GUCA2B: variants seen among roughly 807,000 people sequenced by gnomAD.
GUCA2B encodes the protein guanylate cyclase activator 2B, also known as prepro-uroguanylin.
A neutral mutation model predicts 11.1 loss-of-function variants in GUCA2B; 7 were observed. The ratio of observed to expected loss-of-function variants is 0.63; its 90% confidence interval spans 0.36 to 1.18. The LOEUF is 1.18. Ranked by LOEUF, GUCA2B falls within the 50% of genes most tolerant of loss-of-function variation. The probability of loss-of-function intolerance (pLI) is 0.02; values close to 1 mark genes in which losing one functional copy is unlikely to be tolerated. For missense variants in GUCA2B, 140 were observed against 142.5 expected (o/e 0.98, Z 0.09); for synonymous variants, 69 against 65.3 (o/e 1.06, Z -0.27).
intron 1 of GUCA2B, 77 bp downstream of exon 1, chr1:42,153,617 A>T: frequency 9.3e-7 from 1 of 1,080,976 alleles, no homozygotes. Flanking sequence ...GTGTACTGGG[A>T]ATTCAGAGGG....
At chr1:42,154,585 G>A (rs1161106272) in intron 1 of GUCA2B, 95 bp from the exon 2 acceptor site, 1 of 975,866 alleles carries the variant, frequency 1.0e-6, no homozygotes, top group Non-Finnish European at 1.7e-6. Context: ...AGGCTCTGGA[G>A]GATCTGCAGG....
chr1:42,155,035 C>T (rs1215546456), intron 2 of GUCA2B, among the ~76,000 whole-genome samples, 169 bp downstream of exon 2: 1 of 152,214 alleles, frequency 6.6e-6, no homozygotes, highest in Admixed American at 6.5e-5. Context: ...CACTGTGAGT[C>T]AGGCATGCCT....
In GUCA2B at chr1:42,154,803, C is replaced by T. The variant is rs1470615782; in HGVS notation, c.214C>T (p.Leu72=). 6 of 1,614,012 alleles carry T rather than the reference C, an allele frequency of 3.7e-6. No individual in the cohort carries two copies. Among genetic ancestry groups the T allele is most frequent in the South Asian group, 1.1e-5 (1 of 91,070 alleles). ...LLPAVCHHPA[L]PQDLQPVCAS... ...GCCCGCCGTGTGCCACCACCCTGCT[C>T]TGCCTCAGGACCTTCAGCCTGTCTG... Residue 72 remains leucine, a synonymous_variant, in exon 2 of 3, where the codon CTG becomes TTG. Coordinates refer to ENST00000372581, the MANE Select transcript of GUCA2B (RefSeq NM_007102.3).
chr1:42,154,825 T>C lies in GUCA2B; in HGVS notation c.236T>C (p.Val79Ala), dbSNP rs2124012696. ...HPALPQDLQP[V>A]CASQEASSIF... ...GCTCTGCCTCAGGACCTTCAGCCTG[T>C]CTGCGCCTCGCAGGAGGCTTCCAGC... The change falls in exon 2 of 3, where the codon GTC becomes GCC. Residue 79 changes from valine to alanine, a missense_variant. Coordinates refer to ENST00000372581, the MANE Select transcript of GUCA2B (RefSeq NM_007102.3). 3 of 1,614,004 alleles carry C rather than the reference T, an allele frequency of 1.9e-6. No individual in the cohort carries two copies. In the East Asian group the frequency reaches 6.7e-5, roughly 36 times the overall value.
chr1:42,154,575 A>T (rs1646099399), intron 1 of GUCA2B, 105 bp from the exon 2 acceptor site: 2 of 883,280 alleles, frequency 2.3e-6, no homozygotes. Flanking sequence ...GAGACGGGGA[A>T]GGCTCTGGAG....
At position 42,154,913 on chromosome 1, in the gene GUCA2B, G is replaced by A. The variant is rs202069917; in HGVS notation, c.277+47G>A. 8.1e-5 allele frequency: 118 copies of A among 1,458,462 alleles called. No homozygotes were observed. In the East Asian group the frequency reaches 1.3e-3, roughly 17 times the overall value. The allele number at this position is 1,458,462 out of a possible 1,614,324, so 90.3% of individuals were successfully genotyped here. On this transcript the variant is annotated intron_variant, in intron 2 of 2. Coordinates refer to ENST00000372581, the MANE Select transcript of GUCA2B (RefSeq NM_007102.3). ...AGAACCTCGCTCTGTCTCCTCCCAC[G>A]CCCAGGCTCCTCCACCTGGGTTGTT...
In GUCA2B at chr1:42,154,861, C is replaced by A. The variant is rs1267630273; in HGVS notation, c.272C>A (p.Thr91Asn). 1.9e-6 allele frequency: 3 copies of A among 1,610,236 alleles called. No homozygotes were observed. The highest frequency in any genetic ancestry group is 1.3e-5 in the African/African-American group (1 of 74,878). The change falls in exon 2 of 3, where the codon ACC (threonine) becomes AAC (asparagine). Residue 91 changes from threonine (T) to asparagine (N), a missense_variant. Coordinates refer to ENST00000372581, the MANE Select transcript of GUCA2B (RefSeq NM_007102.3). Reference protein sequence around the residue: ...ASQEASSIFKTLRTIANDDCE... With the variant: ...ASQEASSIFKNLRTIANDDCE... ...CAGGAGGCTTCCAGCATCTTCAAGA[C>A]CCTGAGTAAGTGCCCCCGCTCCCTG...
chr1:42,155,564 TGTGTGAACGTTGC>T lies in GUCA2B; in HGVS notation c.312_324del (p.Asn105ProfsTer68). ...CATCGCTAACGACGACTGTGAGCTGTGTGTGAACGTTGCGTGTACCGGCTGCCTCTGAGATAGC... is the reference window on the plus strand; with the variant it reads ...CATCGCTAACGACGACTGTGAGCTGTGTGTACCGGCTGCCTCTGAGATAGC... On this transcript the variant is annotated frameshift_variant, in exon 3 of 3. Transcript: ENST00000372581. LOFTEE classifies it high-confidence loss of function. The T allele has an allele frequency of 6.2e-7, 1 of 1,614,076 alleles. No individual in the cohort carries two copies.
At chr1:42,153,765 G>A (rs1330258992) in intron 1 of GUCA2B, among the ~76,000 whole-genome samples, 1 of 152,196 alleles carries the variant, frequency 6.6e-6, no homozygotes, top group Non-Finnish European at 1.5e-5. Context: ...ATTCAGCGCT[G>A]CTCCCCTCAA....
chr1:42,154,402 G>A (rs1247870352), intron 1 of GUCA2B, among the ~76,000 whole-genome samples: 1 of 152,236 alleles, frequency 6.6e-6, no homozygotes, highest in African/African-American at 2.4e-5. Context: ...AACTGAGGCT[G>A]AGTGGGGAAC....
At position 42,155,572 on chromosome 1, in the gene GUCA2B, C is replaced by T. The variant is rs146925564; in HGVS notation, c.315C>T (p.Asn105=). 3.7e-5 allele frequency: 59 copies of T among 1,613,868 alleles called. No homozygotes were observed. Among genetic ancestry groups the T allele is most frequent in the Non-Finnish European group, 4.6e-5 (54 of 1,179,832 alleles). Residue 105 remains asparagine (N), a synonymous_variant, in exon 3 of 3, where the codon AAC becomes AAT. Coordinates refer to ENST00000372581, the MANE Select transcript of GUCA2B (RefSeq NM_007102.3). ...IANDDCELCV[N]VACTGCL ...ACGACGACTGTGAGCTGTGTGTGAA[C>T]GTTGCGTGTACCGGCTGCCTCTGAG... is the stretch of plus-strand genomic sequence containing the variant.
intron 1 of GUCA2B, among the ~76,000 whole-genome samples, chr1:42,153,891 C>T (rs571840179): frequency 6.6e-6 from 1 of 152,206 alleles, no homozygotes; most frequent in East Asian, 1.9e-4. Context: ...CGTATATTCA[C>T]CCACATGTAG....
In GUCA2B at chr1:42,154,807, C is replaced by T; in HGVS notation, c.218C>T (p.Pro73Leu). The T allele has an allele frequency of 6.2e-7, 1 of 1,614,142 alleles. No individual in the cohort carries two copies. Among genetic ancestry groups the T allele is most frequent in the Non-Finnish European group, 8.5e-7 (1 of 1,180,018 alleles). Residue 73 changes from proline (P) to leucine (L), a missense_variant, in exon 2 of 3, where the codon CCT becomes CTT. Coordinates refer to ENST00000372581, the MANE Select transcript of GUCA2B (RefSeq NM_007102.3). ...GCCGTGTGCCACCACCCTGCTCTGCCTCAGGACCTTCAGCCTGTCTGCGCC... is the reference window on the plus strand; with the variant it reads ...GCCGTGTGCCACCACCCTGCTCTGCTTCAGGACCTTCAGCCTGTCTGCGCC... ...LPAVCHHPALPQDLQPVCASQ... is the reference protein window; with the variant it reads ...LPAVCHHPALLQDLQPVCASQ...
At chr1:42,154,619 G>A (rs1646099563) in intron 1 of GUCA2B, 61 bp from the exon 2 acceptor site, 4 of 1,389,280 alleles carry the variant, frequency 2.9e-6, no homozygotes, top group Non-Finnish European at 4.1e-6. Flanking sequence ...TGGGTGTCAT[G>A]GCAGTGCCTG....
chr1:42,154,910 C>T (rs1283054176), intron 2 of GUCA2B, 44 bp downstream of exon 2: 2 of 1,468,460 alleles, frequency 1.4e-6, no homozygotes, highest in Non-Finnish European at 1.9e-6. Flanking sequence ...TGTCTCCTCC[C>T]ACGCCCAGGC....
intron 1 of GUCA2B, 103 bp downstream of exon 1, chr1:42,153,643 G>A (rs977149330): frequency 2.7e-5 from 22 of 803,234 alleles, no homozygotes; most frequent in Middle Eastern, 2.6e-4. Context: ...GGGGGAGCAC[G>A]GGGCCCGGGG....
chr1:42,154,051 A>G (rs1352402370), intron 1 of GUCA2B, among the ~76,000 whole-genome samples: 4 of 152,180 alleles, frequency 2.6e-5, no homozygotes, highest in South Asian at 2.1e-4. Context: ...ATAGAAGACT[A>G]TGGGGGTTCC....
chr1:42,154,979 T>A, intron 2 of GUCA2B, 113 bp downstream of exon 2: 1 of 808,262 alleles, frequency 1.2e-6, no homozygotes, highest in Non-Finnish European at 2.0e-6. Context: ...GAGATTCAAG[T>A]AACTCAGGCC....
At chr1:42,153,593 C>A in intron 1 of GUCA2B, 53 bp downstream of exon 1, 1 of 1,321,206 alleles carries the variant, frequency 7.6e-7, no homozygotes, top group Non-Finnish European at 1.1e-6. Flanking sequence ...TGGTGGGAGG[C>A]TAGGCTGGAG....
Sources: gnomAD v4.1 joint callset for allele counts (sites outside exome capture counted in the v4.1 genomes callset) on GRCh38, gnomAD v4.1.1 for gene constraint, MANE v1.5 for transcripts, NCBI Gene and HGNC (gene_info 2026-07-23, HGNC 2026-07-21) for gene names.